The following OR5K1 variants were observed in gnomAD, a reference collection of about 807,000 sequenced individuals.
OR5K1 encodes the protein olfactory receptor family 5 subfamily K member 1, also known as olfactory receptor 5K1.
A neutral mutation model predicts 10.4 loss-of-function variants in OR5K1; 7 were observed. The ratio of observed to expected loss-of-function variants is 0.67; its 90% CI spans 0.38 to 1.26. The LOEUF is 1.26. Among genes scored for constraint, OR5K1 ranks in the 50% most tolerant of loss-of-function variants. The pLI, the probability that OR5K1 is intolerant of heterozygous loss-of-function variation, is 0.02. For missense variants in OR5K1, 435 were observed against 366.2 expected (o/e 1.19, Z -1.53); for synonymous variants, 135 against 128.5 (o/e 1.05, Z -0.34).
chr3:98,463,467 G>A (rs1705336014), intron 1 of OR5K1, among the ~76,000 whole-genome samples, 160 bp downstream of exon 1: 1 of 152,044 alleles, frequency 6.6e-6, no homozygotes, highest in South Asian at 2.1e-4. Flanking sequence ...GTAAGCTTTA[G>A]ACAAATGACT....
chr3:98,469,758 T>A lies in OR5K1; in HGVS notation c.182T>A (p.Ile61Asn), dbSNP rs201581302. Residue 61 changes from isoleucine to asparagine, a missense_variant, in exon 2 of 2, where the codon ATC becomes AAC. By Grantham distance (149) the Ile-to-Asn change is moderately radical. Transcript: ENST00000642057. The part of the protein sequence containing the change: ...THRRLHTPMY[I>N]FLGNLALVDS... The stretch of plus-strand genomic sequence containing the variant: ...CGTCGGCTTCACACACCAATGTACA[T>A]CTTTCTGGGAAATCTGGCTCTTGTG... 1 of 1,613,804 alleles carries A rather than the reference T, an allele frequency of 6.2e-7. No homozygotes were observed. The highest frequency in any genetic ancestry group is 8.5e-7 in the Non-Finnish European group (1 of 1,179,816).
chr3:98,470,602 TA>T lies in OR5K1; in HGVS notation c.*100del. 1.5e-6 allele frequency: 1 copy of T among 657,486 alleles called. No homozygotes were observed. The highest frequency in any genetic ancestry group is 2.5e-6 in the Non-Finnish European group (1 of 398,004). The allele number at this position is 657,486 out of a possible 1,614,324, so 40.7% of individuals were successfully genotyped here. The stretch of plus-strand genomic sequence containing the variant: ...AATTACACAGGGGAAATGCATAAAT[TA>T]TAAGTAAAATTTTAATATATAAGAA... On this transcript the variant is annotated 3_prime_UTR_variant, in exon 2 of 2. Coordinates refer to ENST00000642057, the MANE Select transcript of OR5K1 (RefSeq NM_001004736.4).
Position 98,469,817 on chromosome 3 carries a change from A to G in OR5K1, c.241A>G (p.Met81Val), listed in dbSNP as rs1403291375. 6.2e-7 allele frequency: 1 copy of G among 1,613,790 alleles called. No individual in the cohort carries two copies. The highest frequency in any genetic ancestry group is 1.7e-5 in the Admixed American group (1 of 59,932). The change falls in exon 2 of 2, where the codon ATG becomes GTG. Residue 81 changes from methionine to valine, a missense_variant. By Grantham distance (21) the Met-to-Val change is conservative. Coordinates refer to ENST00000642057, the MANE Select transcript of OR5K1 (RefSeq NM_001004736.4). Reference protein sequence around the residue: ...SCCACAITPKMLENFFSENKR... With the variant: ...SCCACAITPKVLENFFSENKR... The stretch of plus-strand genomic sequence containing the variant: ...CTGTGCCTGTGCTATTACCCCCAAA[A>G]TGTTAGAGAACTTCTTTTCTGAGAA...
At chr3:98,464,582 C>T (rs776885987) in intron 1 of OR5K1, among the ~76,000 whole-genome samples, 2 of 151,956 alleles carry the variant, frequency 1.3e-5, no homozygotes, top group Admixed American at 6.6e-5. Context: ...AAATGCTCCC[C>T]GATAGGTAAG....
Position 98,470,595 on chromosome 3 carries a change from C to T in OR5K1, c.*92C>T, listed in dbSNP as rs190098539. On this transcript the variant is annotated 3_prime_UTR_variant, in exon 2 of 2. Transcript: ENST00000642057. ...CATGTGAAATTACACAGGGGAAATG[C>T]ATAAATTATAAGTAAAATTTTAATA... 2 of 684,728 alleles carry T rather than the reference C, an allele frequency of 2.9e-6. No homozygotes were observed. Among genetic ancestry groups the T allele is most frequent in the East Asian group, 5.6e-5 (2 of 35,578 alleles). 42.4% of individuals were successfully genotyped at this position (684,728 alleles called of 1,614,324 possible). A position where few individuals can be genotyped will look rare whatever the true frequency, so the allele number is the denominator to read the frequency against.
At position 98,471,658 on chromosome 3, in the gene OR5K1, A is replaced by T. The variant is rs948917838; in HGVS notation, c.*1155A>T. On this transcript the variant is annotated 3_prime_UTR_variant, in exon 2 of 2. Transcript: ENST00000642057. ...CTAACTTCTGGATTAAGAAGGACCTATGTCACATAATAGAAAAACATCTCC... is the reference window on the plus strand; with the variant it reads ...CTAACTTCTGGATTAAGAAGGACCTTTGTCACATAATAGAAAAACATCTCC... 1 of 151,948 alleles carries T rather than the reference A, an allele frequency of 6.6e-6. No homozygotes were observed. The highest frequency in any genetic ancestry group is 1.5e-5 in the Non-Finnish European group (1 of 67,936). 9.4% of individuals were successfully genotyped at this position (151,948 alleles called of 1,614,324 possible). A position where few individuals can be genotyped will look rare whatever the true frequency, so the allele number is the denominator to read the frequency against.
chr3:98,467,950 G>C (rs569876549), intron 1 of OR5K1, among the ~76,000 whole-genome samples: 1 of 151,660 alleles, frequency 6.6e-6, no homozygotes, highest in South Asian at 2.1e-4. Context: ...GAATAGGAGC[G>C]GTGAGAGAGG....
chr3:98,469,635 A>G lies in OR5K1; in HGVS notation c.59A>G (p.His20Arg). 6.2e-7 allele frequency: 1 copy of G among 1,613,496 alleles called. No individual in the cohort carries two copies. The highest frequency in any genetic ancestry group is 8.5e-7 in the Non-Finnish European group (1 of 1,179,680). Residue 20 changes from histidine (H) to arginine (R), a missense_variant, in exon 2 of 2, where the codon CAC becomes CGC. Transcript: ENST00000642057. Reference sequence around the variant, plus strand: ...TTTATCCTCACAGGATTTACAGATCACCCTGAGCTGAAGACTCTGCTGTTT... The same window carrying G: ...TTTATCCTCACAGGATTTACAGATCGCCCTGAGCTGAAGACTCTGCTGTTT... ...NEFILTGFTD[H>R]PELKTLLFVV...
chr3:98,469,229 C>T lies in OR5K1; in HGVS notation c.-11-337C>T, dbSNP rs562652954. On this transcript the variant is annotated intron_variant, in intron 1 of 1. Coordinates refer to ENST00000642057, the MANE Select transcript of OR5K1 (RefSeq NM_001004736.4). ...TTCTCACTTATGAGTGAGAGCTAAA[C>T]ACTGAGTACACATGTACAGAAAGAA... Among the ~76,000 whole-genome samples the T allele has an allele frequency of 8.5e-5, 13 of 152,166 alleles. No homozygotes were observed. In the South Asian group the frequency reaches 2.3e-3, roughly 27 times the overall value.
rs1705417788 is a variant in OR5K1, at chr3:98,469,707, G to C, written c.131G>C (p.Ser44Thr). ...IYLITVVGNI[S>T]LVALIFTHRR... The stretch of plus-strand genomic sequence containing the variant: ...CTGATCACCGTGGTGGGGAATATTA[G>C]TTTGGTGGCACTGATATTTACACAC... Residue 44 changes from serine (S) to threonine (T), a missense_variant, in exon 2 of 2, where the codon AGT (serine) becomes ACT (threonine). Physicochemically the swap from Ser to Thr is moderately conservative, Grantham distance 58. Transcript: ENST00000642057. 6.2e-7 allele frequency: 1 copy of C among 1,613,746 alleles called. No individual in the cohort carries two copies. Among genetic ancestry groups the C allele is most frequent in the Non-Finnish European group, 8.5e-7 (1 of 1,179,786 alleles).
Position 98,469,744 on chromosome 3 carries a change from C to T in OR5K1, c.168C>T (p.His56=), listed in dbSNP as rs772493547. 26 of 1,613,712 alleles carry T rather than the reference C, an allele frequency of 1.6e-5. No homozygotes were observed. Among genetic ancestry groups the T allele is most frequent in the Non-Finnish European group, 2.1e-5 (25 of 1,179,820 alleles). ...TGATATTTACACACCGTCGGCTTCACACACCAATGTACATCTTTCTGGGAA... is the reference window on the plus strand; with the variant it reads ...TGATATTTACACACCGTCGGCTTCATACACCAATGTACATCTTTCTGGGAA... ...VALIFTHRRL[H]TPMYIFLGNL... is the part of the protein sequence containing the mutation. Residue 56 remains histidine (H), a synonymous_variant, in exon 2 of 2, where the codon CAC becomes CAT. Coordinates refer to ENST00000642057, the MANE Select transcript of OR5K1 (RefSeq NM_001004736.4).
At chr3:98,465,465 A>G (rs908582258) in intron 1 of OR5K1, among the ~76,000 whole-genome samples, 3 of 152,178 alleles carry the variant, frequency 2.0e-5, no homozygotes, top group Non-Finnish European at 2.9e-5. Context: ...TTTGTAGAAG[A>G]GTCTAATTAT....
chr3:98,468,083 G>T (rs939702270), intron 1 of OR5K1, among the ~76,000 whole-genome samples: 114 of 152,162 alleles, frequency 7.5e-4, no homozygotes, highest in African/African-American at 2.4e-3. Context: ...TGCATAAATT[G>T]TATTATAAAT....
Position 98,472,644 on chromosome 3 carries a change from GA to G in OR5K1, c.*2142del. 6.6e-6 allele frequency: 1 copy of G among 151,958 alleles called. No individual in the cohort carries two copies. Among genetic ancestry groups the G allele is most frequent in the South Asian group, 2.1e-4 (1 of 4,826 alleles). The allele number at this position is 151,958 out of a possible 1,614,324, so 9.4% of individuals were successfully genotyped here. Reference sequence around the variant, plus strand: ...GGAGTAAAATTGGACTCAAAAATGAGACTCTGTCTTAGTCTATTCTCTCTGT... The same window carrying G: ...GGAGTAAAATTGGACTCAAAAATGAGCTCTGTCTTAGTCTATTCTCTCTGT... On this transcript the variant is annotated 3_prime_UTR_variant, in exon 2 of 2. Coordinates refer to ENST00000642057, the MANE Select transcript of OR5K1 (RefSeq NM_001004736.4).
intron 1 of OR5K1, among the ~76,000 whole-genome samples, chr3:98,464,493 A>T (rs1252335371): frequency 6.6e-6 from 1 of 152,174 alleles, no homozygotes; most frequent in Non-Finnish European, 1.5e-5. Flanking sequence ...AGGTAGCATA[A>T]AGCAGGCATC....
rs1705444104 is a variant in OR5K1, at chr3:98,471,326, T to C, written c.*823T>C. ...GAGAGGTGAGGAAAGGTTTCAACAA[T>C]AGAGACCACTACCCTGGGTATATTA... On this transcript the variant is annotated 3_prime_UTR_variant, in exon 2 of 2. Transcript: ENST00000642057. 1 of 151,948 alleles carries C rather than the reference T, an allele frequency of 6.6e-6. No homozygotes were observed. Among genetic ancestry groups the C allele is most frequent in the African/African-American group, 2.4e-5 (1 of 41,398 alleles). The allele number at this position is 151,948 out of a possible 1,614,324, so 9.4% of individuals were successfully genotyped here. A position where few individuals can be genotyped will look rare whatever the true frequency, so the allele number is the denominator to read the frequency against.
chr3:98,470,137 C>A lies in OR5K1; in HGVS notation c.561C>A (p.Leu187=), dbSNP rs1705427785. 8.1e-6 allele frequency: 13 copies of A among 1,613,474 alleles called. No homozygotes were observed. The highest frequency in any genetic ancestry group is 1.1e-5 in the Non-Finnish European group (13 of 1,179,710). ...GTGATATTCTTCCCTTGTATAGACT[C>A]TCTTGTGTTGATCCTTATATCAATG... The part of the protein sequence containing the change: ...FYCDILPLYR[L]SCVDPYINEL... The change falls in exon 2 of 2, where the codon CTC becomes CTA. Residue 187 remains leucine, a synonymous_variant. Transcript: ENST00000642057.
Position 98,470,233 on chromosome 3 carries a change from C to T in OR5K1, c.657C>T (p.Leu219=), listed in dbSNP as rs74372753. The T allele has an allele frequency of 6.7e-3, 10,831 of 1,613,142 alleles. 564 individuals are homozygous for T. In the African/African-American group the frequency reaches 0.12, roughly 18 times the overall value. The change falls in exon 2 of 2, where the codon CTC becomes CTT. Residue 219 remains leucine, a synonymous_variant. Transcript: ENST00000642057. ...TAGGTAGTGTCTTAATATCTTATCT[C>T]TATATTCTTCTTACTATTTTCAAAA... ...FTIGSVLISY[L]YILLTIFKMK...
chr3:98,464,235 G>A (rs4321568), intron 1 of OR5K1, among the ~76,000 whole-genome samples: 152,086 of 152,338 alleles, frequency 1, 75,918 homozygotes, highest in Non-Finnish European at 1. Context: ...CAGCCTGGGC[G>A]ACACAGTAAG....
Sources: allele counts gnomAD v4.1 joint callset (sites outside exome capture counted in the v4.1 genomes callset), GRCh38; gene constraint gnomAD v4.1.1; transcripts MANE v1.5; gene names NCBI Gene and HGNC (gene_info 2026-07-23, HGNC 2026-07-21).